Variants in SIK3 observed in about 807,000 individuals in gnomAD.
SIK3 encodes SIK family kinase 3.
Under a neutral mutation model 144.2 loss-of-function variants are expected in SIK3, and 28 were observed. The ratio of observed to expected loss-of-function variants is 0.19; its 90% CI spans 0.14 to 0.27. The LOEUF is 0.27. SIK3 is among the 10% of genes least tolerant of loss of function. The probability of loss-of-function intolerance (pLI) is 1.00; values close to 1 mark genes in which losing one functional copy is unlikely to be tolerated. For synonymous variants in SIK3, 686 were observed against 676.3 expected, an observed-to-expected ratio of 1.01 and a Z score of -0.22; for missense variants, 1,319 against 1,776.0, an observed-to-expected ratio of 0.74 and a Z score of 4.62.
At chr11:116,924,163 G>A (rs117287138) in intron 4 of SIK3, among the ~76,000 whole-genome samples, 13,585 of 151,688 alleles carry the variant, frequency 0.09, 785 homozygotes, top group South Asian at 0.16. Flanking sequence ...ACGTGGTGGC[G>A]CATGCCTGTA....
At chr11:117,011,043 A>G (rs1951230561) in intron 1 of SIK3, among the ~76,000 whole-genome samples, 2 of 152,104 alleles carry the variant, frequency 1.3e-5, no homozygotes, top group South Asian at 4.1e-4. Context: ...TCGCTTGAGC[A>G]TGGGAGGCAG....
intron 7 of SIK3, among the ~76,000 whole-genome samples, 191 bp from the exon 8 acceptor site, chr11:116,876,554 T>C (rs1359582401): frequency 2.0e-5 from 3 of 152,234 alleles, no homozygotes; most frequent in Non-Finnish European, 4.4e-5. Context: ...CTGAGCTCCC[T>C]GGCATACCTG....
At chr11:117,094,285 A>G (rs533634943) in intron 1 of SIK3, among the ~76,000 whole-genome samples, 16 of 152,312 alleles carry the variant, frequency 1.1e-4, no homozygotes, top group Middle Eastern at 3.4e-3. Flanking sequence ...AAAGGCTTTT[A>G]TAGTCATGCA....
intron 1 of SIK3, among the ~76,000 whole-genome samples, chr11:116,993,700 G>A (rs971110437): frequency 2.6e-5 from 4 of 152,186 alleles, no homozygotes; most frequent in African/African-American, 9.7e-5. Flanking sequence ...CAGGGTGCAA[G>A]GGGAGGATGG....
intron 1 of SIK3, among the ~76,000 whole-genome samples, chr11:117,013,940 G>T (rs1951398463): frequency 1.4e-5 from 1 of 73,974 alleles, no homozygotes; most frequent in Non-Finnish European, 3.7e-5. Context: ...GTGTGTGTGT[G>T]TGTGTGTGTG....
intron 1 of SIK3, among the ~76,000 whole-genome samples, chr11:117,070,443 C>CTT (rs34756068): frequency 1.5e-3 from 221 of 146,658 alleles, no homozygotes; most frequent in Admixed American, 1.6e-3. Flanking sequence ...TGAACAATAC[C>CTT]TTTTTTTTTT....
At position 116,849,374 on chromosome 11, in the gene SIK3, G is replaced by A. The variant is rs1050901671; in HGVS notation, c.3656-91C>T. ...CAAGAAATGTCTTGCAAGGGACAAT[G>A]GGCAAGGCTGAGGAGATCATGTACA... On this transcript the variant is annotated intron_variant, in intron 21 of 24. Coordinates refer to ENST00000445177, the MANE Select transcript of SIK3 (RefSeq NM_001366686.3). The surrounding 1 kb of genome is among the most constrained non-coding windows in gnomAD (Gnocchi z 4.2). 3.0e-5 allele frequency: 44 copies of A among 1,455,792 alleles called. No homozygotes were observed. Among genetic ancestry groups the A allele is most frequent in the African/African-American group, 8.3e-5 (6 of 71,878 alleles). 90.2% of individuals were successfully genotyped at this position (1,455,792 alleles called of 1,614,324 possible).
At chr11:117,029,734 G>C (rs2135790042) in intron 1 of SIK3, among the ~76,000 whole-genome samples, 1 of 152,184 alleles carries the variant, frequency 6.6e-6, no homozygotes, top group South Asian at 2.1e-4. Context: ...CACTGGATGG[G>C]TCATACTGCC....
chr11:116,886,770 G>T (rs993756706), intron 6 of SIK3, among the ~76,000 whole-genome samples: 1 of 152,130 alleles, frequency 6.6e-6, no homozygotes, highest in Non-Finnish European at 1.5e-5. Context: ...TATATTGAAT[G>T]AATCTGGTGC....
chr11:117,091,032 G>A (rs1421291667), intron 1 of SIK3, among the ~76,000 whole-genome samples: 3 of 152,030 alleles, frequency 2.0e-5, no homozygotes, highest in Non-Finnish European at 4.4e-5. Context: ...AGAAGTCAGG[G>A]TAGAATTAAG....
intron 22 of SIK3, 126 bp downstream of exon 22, chr11:116,848,994 G>A (rs373328549): frequency 5.5e-5 from 61 of 1,111,184 alleles, no homozygotes; most frequent in African/African-American, 1.1e-4. Context: ...GCTCCCCACC[G>A]TTTCCAGAAA....
chr11:116,949,551 T>C lies in SIK3; in HGVS notation c.454+4493A>G, dbSNP rs1297767794. On this transcript the variant is annotated intron_variant, in intron 3 of 24. Transcript: ENST00000445177. ...TTATTTAAGACAGGGTCTCCCTATG[T>C]TGCCTATGCTGACCTCCAACTCCTA... Among the ~76,000 whole-genome samples, 3 of 152,250 alleles carry C rather than the reference T, an allele frequency of 2.0e-5. No individual in the cohort carries two copies. In the East Asian group the frequency reaches 5.8e-4, roughly 29 times the overall value.
rs779326784 is a variant in SIK3 at position 116,875,159 on chromosome 11, G to A, written c.1426C>T (p.Arg476Cys). ...GAGGGCTGTTGGCCGGATACTCACC[G>A]TGGGTCAGCCACACCCACTGTGTGC... ...RRHTVGVADP[R>C]TEVMEDLQKL... is the part of the protein sequence containing the mutation. Residue 476 changes from arginine (R) to cysteine (C), a missense_variant and splice_region_variant, in exon 11 of 25, where the codon CGC becomes TGC. Physicochemically the swap from Arg to Cys is radical, Grantham distance 180. Transcript: ENST00000445177. 22 of 1,612,924 alleles carry A rather than the reference G, an allele frequency of 1.4e-5. No homozygotes were observed. The South Asian group carries it at 1.5e-4, about 11-fold the overall frequency.
intron 1 of SIK3, among the ~76,000 whole-genome samples, chr11:117,013,907 G>GTGT (rs1485971413): frequency 4.5e-5 from 2 of 44,834 alleles, no homozygotes; most frequent in African/African-American, 1.4e-4. Flanking sequence ...TGAGGGGGGG[G>GTGT]GGGGGAGGGT....
rs951287969 is a variant in SIK3 at position 116,955,759 on chromosome 11, G to C, written c.390+1189C>G. ...CCAGGAAGCTTTCATAAGTTTGCTT[G>C]TGGGGCAGAAGGTAGGCGTTGTTCA... On this transcript the variant is annotated intron_variant, in intron 2 of 24. Transcript: ENST00000445177. Among the ~76,000 whole-genome samples the C allele has an allele frequency of 1.3e-4, 20 of 152,316 alleles. No homozygotes were observed. The East Asian group carries it at 3.1e-3, about 24-fold the overall frequency.
intron 1 of SIK3, among the ~76,000 whole-genome samples, chr11:117,051,116 G>A (rs1249406907): frequency 6.6e-6 from 1 of 152,186 alleles, no homozygotes; most frequent in African/African-American, 2.4e-5. Context: ...TTTCCACCCA[G>A]AGAGAGCAAA....
intron 9 of SIK3, 50 bp downstream of exon 9, chr11:116,875,816 C>A (rs755798463): frequency 2.6e-6 from 4 of 1,548,218 alleles, no homozygotes; most frequent in Middle Eastern, 2.1e-4. Context: ...CTAACCTTTA[C>A]CCCCCTGGTG....
At chr11:116,986,839 G>A (rs550513714) in intron 1 of SIK3, among the ~76,000 whole-genome samples, 1 of 152,222 alleles carries the variant, frequency 6.6e-6, no homozygotes, top group East Asian at 1.9e-4. Flanking sequence ...TCCTCTTCAT[G>A]TTCAACATCC....
At chr11:116,898,794 T>C (rs1048890684) in intron 4 of SIK3, among the ~76,000 whole-genome samples, 1 of 152,138 alleles carries the variant, frequency 6.6e-6, no homozygotes, top group African/African-American at 2.4e-5. Flanking sequence ...TGTCTGTTCA[T>C]GTCCTTTGCC....
Sources: gnomAD v4.1 joint callset for allele counts (sites outside exome capture counted in the v4.1 genomes callset) on GRCh38, gnomAD v4.1.1 for gene constraint, Gnocchi (gnomAD v3.1) non-coding constraint, MANE v1.5 for transcripts, NCBI Gene and HGNC (gene_info 2026-07-23, HGNC 2026-07-21) for gene names.